POFUT1: variants seen among roughly 807,000 people sequenced by gnomAD.
POFUT1 encodes protein O-fucosyltransferase 1.
Under a neutral mutation model 42.4 loss-of-function variants are expected in POFUT1, and 16 were observed. The ratio of observed to expected loss-of-function variants is 0.38; its 90% CI spans 0.26 to 0.57. The LOEUF is 0.57. Ranked by LOEUF, POFUT1 falls within the 20% of genes least tolerant of loss-of-function variation. The pLI, the probability that POFUT1 is intolerant of heterozygous loss-of-function variation, is 0.71. For missense variants in POFUT1, 470 were observed against 504.6 expected (o/e 0.93, Z 0.66); for synonymous variants, 206 against 205.4 (o/e 1.00, Z -0.03).
chr20:32,228,491 G>T (rs1010769327), intron 5 of POFUT1, 36 bp downstream of exon 5: 1 of 1,586,984 alleles, frequency 6.3e-7, no homozygotes, highest in South Asian at 1.1e-5. Flanking sequence ...GGCTAACTTG[G>T]ATGTGTCCCT....
At chr20:32,217,577 A>G in intron 4 of POFUT1, 1 of 983,878 alleles carries the variant, frequency 1.0e-6, no homozygotes, top group Non-Finnish European at 1.2e-6. Context: ...GTACCCCTGC[A>G]CTCCAGCCCA....
In POFUT1 at chr20:32,234,563, T is replaced by G; in HGVS notation, c.1069T>G (p.Ser357Ala). The G allele has an allele frequency of 1.2e-6, 2 of 1,614,196 alleles. No homozygotes were observed. The highest frequency in any genetic ancestry group is 1.7e-6 in the Non-Finnish European group (2 of 1,179,988). The change falls in exon 7 of 7, where the codon TCC (serine) becomes GCC (alanine). Residue 357 changes from serine (S) to alanine (A), a missense_variant. Physicochemically the swap from Ser to Ala is moderately conservative, Grantham distance 99. Transcript: ENST00000375749. The stretch of plus-strand genomic sequence containing the variant: ...CCACTTTATTGGCAACTGTGTCTCC[T>G]CCTTCACTGCCTTTGTGAAGCGGGA... ...ADHFIGNCVS[S>A]FTAFVKRERD...
At chr20:32,216,943 G>A (rs2047364551) in intron 4 of POFUT1, 20 of 1,600,564 alleles carry the variant, frequency 1.2e-5, no homozygotes, top group Admixed American at 1.7e-5. Flanking sequence ...AGAGTTCATC[G>A]GTTGATAAGG....
intron 5 of POFUT1, among the ~76,000 whole-genome samples, chr20:32,230,386 CAAAA>C (rs71185388): frequency 1.9e-5 from 2 of 104,502 alleles, no homozygotes; most frequent in Non-Finnish European, 2.0e-5. Flanking sequence ...GACTCCCTCT[CAAAA>C]AAAAAAAAAA....
At chr20:32,213,545 GA>G (rs1399403192) in intron 2 of POFUT1, among the ~76,000 whole-genome samples, 1 of 150,678 alleles carries the variant, frequency 6.6e-6, no homozygotes, top group African/African-American at 2.4e-5. Flanking sequence ...GACCGAGGTG[GA>G]CAGATCACGA....
chr20:32,232,359 GA>G (rs1223548190), intron 6 of POFUT1, among the ~76,000 whole-genome samples: 1 of 151,960 alleles, frequency 6.6e-6, no homozygotes, highest in Admixed American at 6.6e-5. Flanking sequence ...ATAATTAAGA[GA>G]AAATCAGAGC....
rs769427912 is a variant in POFUT1, at chr20:32,237,844, C to T, written c.*3183C>T. The T allele has an allele frequency of 9.4e-6, 5 of 534,386 alleles. 1 individual carries two copies. Among genetic ancestry groups the T allele is most frequent in the South Asian group, 5.6e-5 (4 of 71,532 alleles). The allele number at this position is 534,386 out of a possible 1,614,324, so 33.1% of individuals were successfully genotyped here. A position where few individuals can be genotyped will look rare whatever the true frequency, so the allele number is the denominator to read the frequency against. ...TAGACTAGGACTCCAGTGCCCTCCT[C>T]TCCCAAGAGACAAAGGCCATTGCAT... On this transcript the variant is annotated 3_prime_UTR_variant, in exon 7 of 7. Transcript: ENST00000375749.
chr20:32,221,761 G>T (rs562728213), intron 4 of POFUT1, among the ~76,000 whole-genome samples: 10 of 151,832 alleles, frequency 6.6e-5, no homozygotes, highest in Admixed American at 3.3e-4. Flanking sequence ...AGCAGTAGGG[G>T]ACCAAGTTCC....
chr20:32,215,743 G>A (rs2047356623), intron 3 of POFUT1, among the ~76,000 whole-genome samples: 2 of 152,214 alleles, frequency 1.3e-5, no homozygotes, highest in African/African-American at 4.8e-5. Flanking sequence ...ACTGCAAAGT[G>A]CCACATCAGT....
Position 32,234,768 on chromosome 20 carries a change from T to C in POFUT1, c.*107T>C, listed in dbSNP as rs2047461365. The C allele has an allele frequency of 1.0e-5, 10 of 960,738 alleles. No homozygotes were observed. In the South Asian group the frequency reaches 1.5e-4, roughly 14 times the overall value. 59.5% of individuals were successfully genotyped at this position (960,738 alleles called of 1,614,324 possible). A position where few individuals can be genotyped will look rare whatever the true frequency, so the allele number is the denominator to read the frequency against. On this transcript the variant is annotated 3_prime_UTR_variant, in exon 7 of 7. Transcript: ENST00000375749. The stretch of plus-strand genomic sequence containing the variant: ...GGTGCTCCGGGATTGCAAACTCCTC[T>C]TCTCACCTGCCAAAGATGGAGAAGA...
chr20:32,222,358 G>T (rs1600390110), intron 4 of POFUT1, among the ~76,000 whole-genome samples: 2 of 152,254 alleles, frequency 1.3e-5, no homozygotes, highest in African/African-American at 4.8e-5. Flanking sequence ...TCCAGTATTA[G>T]CTTTTCTATC....
At chr20:32,215,726 C>G (rs1174775025) in intron 3 of POFUT1, among the ~76,000 whole-genome samples, 3 of 152,186 alleles carry the variant, frequency 2.0e-5, no homozygotes, top group Non-Finnish European at 4.4e-5. Flanking sequence ...TGAAAAAGTG[C>G]TTGTAAACTG....
chr20:32,238,651 A>G lies in POFUT1; in HGVS notation c.*3990A>G, dbSNP rs1419548480. Reference sequence around the variant, plus strand: ...AGTAATAAAATGAACTCACAGTTTCAACAATGACCCACATTTTACCAGTCT... The same window carrying G: ...AGTAATAAAATGAACTCACAGTTTCGACAATGACCCACATTTTACCAGTCT... On this transcript the variant is annotated 3_prime_UTR_variant, in exon 7 of 7. Transcript: ENST00000375749. The G allele has an allele frequency of 6.6e-6, 1 of 152,232 alleles. No homozygotes were observed. Among genetic ancestry groups the G allele is most frequent in the African/African-American group, 2.4e-5 (1 of 41,458 alleles). The allele number at this position is 152,232 out of a possible 1,614,324, so 9.4% of individuals were successfully genotyped here. A position where few individuals can be genotyped will look rare whatever the true frequency, so the allele number is the denominator to read the frequency against.
In POFUT1 at chr20:32,216,871, G is replaced by A. The variant is rs2047363977; in HGVS notation, c.542+150G>A. The A allele has an allele frequency of 3.3e-6, 5 of 1,494,216 alleles. No homozygotes were observed. In the South Asian group the frequency reaches 5.1e-5, roughly 15 times the overall value. 92.6% of individuals were successfully genotyped at this position (1,494,216 alleles called of 1,614,324 possible). The stretch of plus-strand genomic sequence containing the variant: ...CTGTCTGTTGAACTTGGAATCCTGT[G>A]TGATCTGTTCCCATGTCCACGCCTG... On this transcript the variant is annotated intron_variant, in intron 4 of 6. Coordinates refer to ENST00000375749, the MANE Select transcript of POFUT1 (RefSeq NM_015352.2).
intron 4 of POFUT1, among the ~76,000 whole-genome samples, chr20:32,224,127 C>T (rs187327794): frequency 7.9e-5 from 12 of 152,296 alleles, no homozygotes; most frequent in South Asian, 6.2e-4. Flanking sequence ...CGCGGTGGCT[C>T]ACGCCTGTAA....
chr20:32,235,146 G>A lies in POFUT1; in HGVS notation c.*485G>A, dbSNP rs905969166. ...AGGCTGGGGCTGGTGTGGGTCTTTTGGCTGCTTTTCAAGGTGTCCCCCAAT... is the reference window on the plus strand; with the variant it reads ...AGGCTGGGGCTGGTGTGGGTCTTTTAGCTGCTTTTCAAGGTGTCCCCCAAT... On this transcript the variant is annotated 3_prime_UTR_variant, in exon 7 of 7. Transcript: ENST00000375749. The A allele has an allele frequency of 1.3e-5, 2 of 153,316 alleles. No homozygotes were observed. Among genetic ancestry groups the A allele is most frequent in the African/African-American group, 4.8e-5 (2 of 41,438 alleles). 9.5% of individuals were successfully genotyped at this position (153,316 alleles called of 1,614,324 possible).
chr20:32,216,489 T>A, intron 3 of POFUT1, 120 bp from the exon 4 acceptor site: 2 of 665,124 alleles, frequency 3.0e-6, no homozygotes, highest in South Asian at 3.5e-5. Context: ...TAGGCCATCC[T>A]GTGAGAGTGT....
chr20:32,216,823 A>G (rs750368396), intron 4 of POFUT1, 102 bp downstream of exon 4: 33 of 1,380,772 alleles, frequency 2.4e-5, no homozygotes, highest in Non-Finnish European at 3.0e-5. Context: ...ACTCTGATGT[A>G]TGAGACCAAA....
At chr20:32,211,045 C>T (rs2047325162) in intron 2 of POFUT1, among the ~76,000 whole-genome samples, 1 of 152,254 alleles carries the variant, frequency 6.6e-6, no homozygotes, top group African/African-American at 2.4e-5. Flanking sequence ...AGTTGCATGG[C>T]CTGGACAGGG....
Sources: gnomAD v4.1 joint callset for allele counts (sites outside exome capture counted in the v4.1 genomes callset) on GRCh38, gnomAD v4.1.1 for gene constraint, MANE v1.5 for transcripts, NCBI Gene and HGNC (gene_info 2026-07-23, HGNC 2026-07-21) for gene names.